GOLPH3: variants seen among roughly 807,000 people sequenced by gnomAD.
GOLPH3 encodes coat protein GPP34.
A neutral mutation model predicts 28.5 loss-of-function variants in GOLPH3; 14 were observed. The observed-to-expected ratio is 0.49, with a 90% CI of 0.32 to 0.77. GOLPH3 has a LOEUF of 0.77. Ranked by LOEUF, GOLPH3 falls within the 30% of genes least tolerant of loss-of-function variation. GOLPH3 has a pLI of 0.03. For missense variants in GOLPH3, 350 were observed against 393.7 expected (o/e 0.89, Z 0.94); for synonymous variants, 158 against 159.2 (o/e 0.99, Z 0.06).
At chr5:32,156,075 T>A (rs1746419368) in intron 1 of GOLPH3, among the ~76,000 whole-genome samples, 1 of 145,840 alleles carries the variant, frequency 6.9e-6, no homozygotes, top group Non-Finnish European at 1.5e-5. Flanking sequence ...AGTGCCCTTA[T>A]AAAAGAGGCC....
intron 1 of GOLPH3, among the ~76,000 whole-genome samples, chr5:32,167,680 G>A (rs1746746834): frequency 6.8e-6 from 1 of 147,156 alleles, no homozygotes; most frequent in Non-Finnish European, 1.5e-5. Context: ...ACCAGGCGTG[G>A]TGGCTCACAC....
At chr5:32,151,361 A>C (rs187909265) in intron 1 of GOLPH3, among the ~76,000 whole-genome samples, 159 of 152,266 alleles carry the variant, frequency 1.0e-3, no homozygotes, top group African/African-American at 3.3e-3. Context: ...CTGTCTCTAC[A>C]AAAAATGTTT....
At chr5:32,133,469 C>T (rs1425295085) in intron 3 of GOLPH3, among the ~76,000 whole-genome samples, 1 of 152,220 alleles carries the variant, frequency 6.6e-6, no homozygotes, top group Non-Finnish European at 1.5e-5. Context: ...ACACCAGAAG[C>T]AGTCATGGGC....
At chr5:32,151,804 T>C (rs552602273) in intron 1 of GOLPH3, among the ~76,000 whole-genome samples, 88 of 152,322 alleles carry the variant, frequency 5.8e-4, no homozygotes, top group African/African-American at 1.7e-3. Context: ...AAAATTCTGA[T>C]ACATAGCTAC....
At chr5:32,147,514 G>A (rs568866855) in intron 1 of GOLPH3, among the ~76,000 whole-genome samples, 11 of 152,208 alleles carry the variant, frequency 7.2e-5, no homozygotes, top group African/African-American at 2.6e-4. Flanking sequence ...GTGTGTGTGT[G>A]TGTAGAGAGA....
intron 1 of GOLPH3, among the ~76,000 whole-genome samples, chr5:32,147,875 A>T (rs1254450521): frequency 6.6e-6 from 1 of 152,220 alleles, no homozygotes; most frequent in Non-Finnish European, 1.5e-5. Flanking sequence ...GATTCAAATC[A>T]ACTCCAGCTC....
intron 1 of GOLPH3, among the ~76,000 whole-genome samples, chr5:32,152,202 T>C (rs1292530450): frequency 1.3e-5 from 2 of 151,658 alleles, no homozygotes; most frequent in East Asian, 2.0e-4. Context: ...TCTCAGCTCA[T>C]TGCAACCTCC....
intron 1 of GOLPH3, among the ~76,000 whole-genome samples, chr5:32,155,956 C>CAAAAAAAAAAAAAAAAAAAAAAAAAAAAA (rs70961608): frequency 2.1e-5 from 1 of 47,770 alleles, no homozygotes; most frequent in African/African-American, 5.5e-5. Context: ...AACACTGTCT[C>CAAAAAAAAAAAAAAAAAAAAAAAAAAAAA]AAAAAAAAAA....
intron 1 of GOLPH3, among the ~76,000 whole-genome samples, chr5:32,166,920 T>A (rs538815485): frequency 6.6e-6 from 1 of 151,690 alleles, no homozygotes; most frequent in Non-Finnish European, 1.5e-5. Flanking sequence ...CATAGTTTTA[T>A]ACTATTTAAT....
Position 32,125,290 on chromosome 5 carries a change from A to G in GOLPH3, c.*922T>C, listed in dbSNP as rs1414071499. The stretch of plus-strand genomic sequence containing the variant: ...GCCTCTTCCCAATAGAAATTATAAA[A>G]ACAGTAAGATAAAATTTAAAAAAAA... On this transcript the variant is annotated 3_prime_UTR_variant, in exon 4 of 4. Coordinates refer to ENST00000265070, the MANE Select transcript of GOLPH3 (RefSeq NM_022130.4). 1.3e-5 allele frequency: 2 copies of G among 152,636 alleles called. No individual in the cohort carries two copies. Among genetic ancestry groups the G allele is most frequent in the Non-Finnish European group, 2.9e-5 (2 of 68,042 alleles). The allele number at this position is 152,636 out of a possible 1,614,324, so 9.5% of individuals were successfully genotyped here. A position where few individuals can be genotyped will look rare whatever the true frequency, so the allele number is the denominator to read the frequency against.
chr5:32,172,576 T>C (rs373868121), intron 1 of GOLPH3, among the ~76,000 whole-genome samples: 13 of 152,088 alleles, frequency 8.5e-5, no homozygotes, highest in African/African-American at 2.9e-4. Context: ...ACGTCTGTAG[T>C]CCCGGCTACT....
chr5:32,171,559 C>T (rs1239956540), intron 1 of GOLPH3, among the ~76,000 whole-genome samples: 1 of 151,262 alleles, frequency 6.6e-6, no homozygotes, highest in Non-Finnish European at 1.5e-5. Context: ...AAACTATAAA[C>T]CAAAATGTTC....
chr5:32,125,343 G>A lies in GOLPH3; in HGVS notation c.*869C>T, dbSNP rs1222840567. 1 of 152,618 alleles carries A rather than the reference G, an allele frequency of 6.6e-6. No individual in the cohort carries two copies. Among genetic ancestry groups the A allele is most frequent in the African/African-American group, 2.4e-5 (1 of 41,430 alleles). 9.5% of individuals were successfully genotyped at this position (152,618 alleles called of 1,614,324 possible). A position where few individuals can be genotyped will look rare whatever the true frequency, so the allele number is the denominator to read the frequency against. ...TAACAAGGGGATGCATAGGCAAAGA[G>A]TACCATAAATGGCACAGCTCAAAAA... On this transcript the variant is annotated 3_prime_UTR_variant, in exon 4 of 4. Transcript: ENST00000265070.
At chr5:32,137,982 C>T (rs1309460007) in intron 2 of GOLPH3, among the ~76,000 whole-genome samples, 1 of 149,890 alleles carries the variant, frequency 6.7e-6, no homozygotes, top group African/African-American at 2.5e-5. Flanking sequence ...CAGCTCACTG[C>T]AACCTCCGCC....
intron 1 of GOLPH3, among the ~76,000 whole-genome samples, chr5:32,153,270 A>G (rs1043615407): frequency 6.6e-6 from 1 of 152,224 alleles, no homozygotes; most frequent in African/African-American, 2.4e-5. Flanking sequence ...TGATATGAAT[A>G]TACGTATAGT....
chr5:32,160,216 G>A (rs1255050083), intron 1 of GOLPH3, among the ~76,000 whole-genome samples: 1 of 152,048 alleles, frequency 6.6e-6, no homozygotes, highest in Non-Finnish European at 1.5e-5. Context: ...ATTATTGGAA[G>A]TAATAAATTT....
At chr5:32,137,110 C>A (rs138357767) in intron 2 of GOLPH3, among the ~76,000 whole-genome samples, 1 of 151,664 alleles carries the variant, frequency 6.6e-6, no homozygotes, top group South Asian at 2.1e-4. Context: ...CAGGTGTGTG[C>A]CACCACGCCT....
At chr5:32,134,053 G>GT (rs1417697336) in intron 3 of GOLPH3, among the ~76,000 whole-genome samples, 1 of 152,148 alleles carries the variant, frequency 6.6e-6, no homozygotes, top group Non-Finnish European at 1.5e-5. Context: ...AAAATGGAGT[G>GT]TATGTACTTA....
chr5:32,170,326 GCTT>G (rs1357276499), intron 1 of GOLPH3, among the ~76,000 whole-genome samples: 2 of 152,172 alleles, frequency 1.3e-5, no homozygotes, highest in African/African-American at 4.8e-5. Context: ...GAGGGCTAGG[GCTT>G]CTGTTTCTTG....
Sources: gnomAD v4.1 joint callset for allele counts (sites outside exome capture counted in the v4.1 genomes callset) on GRCh38, gnomAD v4.1.1 for gene constraint, MANE v1.5 for transcripts, NCBI Gene and HGNC (gene_info 2026-07-23, HGNC 2026-07-21) for gene names.